GRIA4: variants seen among roughly 807,000 people sequenced by gnomAD.
The protein encoded by GRIA4 is glutamate receptor 4.
GRIA4 carries 34 observed loss-of-function variants against 104.0 expected under a neutral mutation model. The observed-to-expected ratio is 0.33, with a 90% confidence interval of 0.25 to 0.44. GRIA4 has a LOEUF of 0.44. Ranked by LOEUF, GRIA4 falls within the 20% of genes least tolerant of loss-of-function variation. The pLI, the probability that GRIA4 is intolerant of heterozygous loss-of-function variation, is 1.00. For synonymous variants in GRIA4, 386 were observed against 381.9 expected (o/e 1.01, Z -0.13); for missense variants, 750 against 1,096.5 (o/e 0.68, Z 4.46).
At chr11:105,677,445 T>A (rs951574441) in intron 3 of GRIA4, among the ~76,000 whole-genome samples, 4 of 151,732 alleles carry the variant, frequency 2.6e-5, no homozygotes, top group Non-Finnish European at 5.9e-5. Flanking sequence ...TATCAGCAAA[T>A]TAAGATGTAA....
intron 3 of GRIA4, among the ~76,000 whole-genome samples, chr11:105,642,813 A>AT (rs1366830082): frequency 6.6e-6 from 1 of 152,152 alleles, no homozygotes; most frequent in Admixed American, 6.6e-5. Context: ...AGGTAAATTT[A>AT]TTTTTGTGAA....
intron 14 of GRIA4, among the ~76,000 whole-genome samples, chr11:105,962,640 G>A (rs1346950412): frequency 1.3e-5 from 2 of 152,084 alleles, no homozygotes; most frequent in Non-Finnish European, 2.9e-5. Context: ...GCTATTTGGG[G>A]AAGGGATTTT....
chr11:105,862,210 TA>T lies in GRIA4; in HGVS notation c.672+4del. On this transcript the variant is annotated splice_donor_region_variant and intron_variant, in intron 5 of 16. Transcript: ENST00000282499. ...AGACTTCAAAACATATTAGAACAGG[TA>T]AGTCCTAGATTTTATATTTTTAACC... 1 of 1,531,066 alleles carries T rather than the reference TA, an allele frequency of 6.5e-7. No homozygotes were observed. Among genetic ancestry groups the T allele is most frequent in the Non-Finnish European group, 9.0e-7 (1 of 1,105,176 alleles). The allele number at this position is 1,531,066 out of a possible 1,614,324, so 94.8% of individuals were successfully genotyped here.
At chr11:105,974,634 T>C (rs73552647) in intron 16 of GRIA4, 190 bp downstream of exon 16, 101,694 of 1,366,494 alleles carry the variant, frequency 0.074, 4,010 homozygotes, top group African/African-American at 0.1. Context: ...TGTCCAGTGG[T>C]GGTATTGCTT....
chr11:105,714,270 T>A (rs979772459), intron 3 of GRIA4, among the ~76,000 whole-genome samples: 1 of 150,700 alleles, frequency 6.6e-6, no homozygotes, highest in East Asian at 1.9e-4. Context: ...AAAAAATCAA[T>A]ATATATAATT....
At position 105,753,784 on chromosome 11, in the gene GRIA4, A is replaced by G. The variant is rs77646289; in HGVS notation, c.487+564A>G. On this transcript the variant is annotated intron_variant, in intron 4 of 16. Coordinates refer to ENST00000282499, the MANE Select transcript of GRIA4 (RefSeq NM_000829.4). ...CAAGAGCAGATCTCAGTGCTCAGGAAAAACACTTTACTTTCATTTCCTCCT... is the reference window on the plus strand; with the variant it reads ...CAAGAGCAGATCTCAGTGCTCAGGAGAAACACTTTACTTTCATTTCCTCCT... 3.4e-3 allele frequency among the ~76,000 whole-genome samples: 525 copies of G among 152,216 alleles called. 9 individuals are homozygous for G. The East Asian group carries it at 0.052, about 15-fold the overall frequency.
At chr11:105,915,932 G>A (rs549208920) in intron 10 of GRIA4, among the ~76,000 whole-genome samples, 73 of 152,144 alleles carry the variant, frequency 4.8e-4, no homozygotes, top group Non-Finnish European at 9.4e-4. Context: ...ACCTGTAATT[G>A]CAGCACTTTT....
intron 3 of GRIA4, among the ~76,000 whole-genome samples, chr11:105,650,769 G>C (rs868761310): frequency 2.0e-5 from 3 of 152,244 alleles, no homozygotes; most frequent in Middle Eastern, 3.4e-3. Flanking sequence ...GATGGTCCAT[G>C]AAATACGTTC....
At chr11:105,671,585 G>A (rs1952368759) in intron 3 of GRIA4, among the ~76,000 whole-genome samples, 2 of 140,006 alleles carry the variant, frequency 1.4e-5, no homozygotes, top group Non-Finnish European at 3.0e-5. Context: ...GGCTGAGGCA[G>A]GAGAATCGCT....
At chr11:105,655,947 C>T (rs1407821792) in intron 3 of GRIA4, among the ~76,000 whole-genome samples, 1 of 152,150 alleles carries the variant, frequency 6.6e-6, no homozygotes, top group Non-Finnish European at 1.5e-5. Context: ...ACACTCCCAT[C>T]AACAGTGTAA....
At chr11:105,678,203 G>A (rs950460513) in intron 3 of GRIA4, among the ~76,000 whole-genome samples, 3 of 151,856 alleles carry the variant, frequency 2.0e-5, no homozygotes, top group African/African-American at 7.3e-5. Context: ...CCAAGATTTG[G>A]GTCACTAATA....
At chr11:105,868,000 A>C (rs186453966) in intron 5 of GRIA4, among the ~76,000 whole-genome samples, 24 of 152,304 alleles carry the variant, frequency 1.6e-4, no homozygotes, top group Non-Finnish European at 2.8e-4. Flanking sequence ...TGAGCAACTC[A>C]TGGTCCTTAC....
intron 4 of GRIA4, among the ~76,000 whole-genome samples, chr11:105,815,965 G>A (rs1943358640): frequency 6.6e-6 from 1 of 152,048 alleles, no homozygotes. Context: ...CTTCCTTACT[G>A]CCTAGCACCC....
intron 3 of GRIA4, among the ~76,000 whole-genome samples, chr11:105,640,600 T>G (rs974762327): frequency 1.3e-5 from 2 of 151,962 alleles, no homozygotes. Context: ...TAGTAATTCA[T>G]GTTTTAAATG....
intron 4 of GRIA4, among the ~76,000 whole-genome samples, chr11:105,808,432 A>G (rs747382608): frequency 2.0e-5 from 3 of 152,062 alleles, no homozygotes; most frequent in Non-Finnish European, 4.4e-5. Context: ...TTGCACTGGG[A>G]AGTTATGGTA....
chr11:105,904,339 T>C (rs955621817), intron 8 of GRIA4, among the ~76,000 whole-genome samples: 5 of 152,234 alleles, frequency 3.3e-5, no homozygotes, highest in African/African-American at 4.8e-5. Context: ...GTTACCATCT[T>C]GAATTCTGCA....
At chr11:105,814,076 A>T (rs1943282304) in intron 4 of GRIA4, among the ~76,000 whole-genome samples, 1 of 152,170 alleles carries the variant, frequency 6.6e-6, no homozygotes, top group Admixed American at 6.5e-5. Context: ...ACCAAAAAAG[A>T]ACTTGATGTG....
At chr11:105,978,463 A>T (rs540402275) in intron 16 of GRIA4, among the ~76,000 whole-genome samples, 1 of 152,224 alleles carries the variant, frequency 6.6e-6, no homozygotes, top group Admixed American at 6.5e-5. Flanking sequence ...CATTACTAGC[A>T]ATTTGACTTC....
At chr11:105,678,773 CTCAAATACCATT>C (rs1306655614) in intron 3 of GRIA4, among the ~76,000 whole-genome samples, 1 of 151,922 alleles carries the variant, frequency 6.6e-6, no homozygotes, top group Non-Finnish European at 1.5e-5. Flanking sequence ...GGATAATTTT[CTCAAATACCATT>C]AAGGTAAAAG....
Sources: allele counts gnomAD v4.1 joint callset (sites outside exome capture counted in the v4.1 genomes callset), GRCh38; gene constraint gnomAD v4.1.1; transcripts MANE v1.5; gene names NCBI Gene and HGNC (gene_info 2026-07-23, HGNC 2026-07-21).